The following SFRP1 variants were observed in gnomAD, a reference collection of about 807,000 sequenced individuals.
SFRP1 encodes secreted frizzled related protein 1.
In SFRP1, 9 loss-of-function variants were observed where a neutral mutation model predicts 25.9. The observed-to-expected ratio is 0.35, with a 90% CI of 0.21 to 0.61. SFRP1 has a LOEUF of 0.61. Among genes scored for constraint, SFRP1 ranks in the 20% least tolerant of loss-of-function variants. The probability of loss-of-function intolerance (pLI) is 0.78; values close to 1 mark genes in which losing one functional copy is unlikely to be tolerated. For synonymous variants in SFRP1, 178 were observed against 174.0 expected (o/e 1.02, Z -0.18); for missense variants, 346 against 418.2 (o/e 0.83, Z 1.51).
At chr8:41,277,822 G>T (rs1487111007) in intron 2 of SFRP1, among the ~76,000 whole-genome samples, 1 of 152,134 alleles carries the variant, frequency 6.6e-6, no homozygotes, top group East Asian at 1.9e-4. Context: ...TGTTTCCAAG[G>T]CTGGTCTCAA....
intron 2 of SFRP1, among the ~76,000 whole-genome samples, chr8:41,301,926 C>T (rs1803922347): frequency 6.6e-6 from 1 of 152,250 alleles, no homozygotes; most frequent in Non-Finnish European, 1.5e-5. Context: ...TACCTGAGTG[C>T]CCTCTAGACC....
chr8:41,281,369 C>T (rs558981136), intron 2 of SFRP1, among the ~76,000 whole-genome samples: 138 of 152,354 alleles, frequency 9.1e-4, no homozygotes, highest in Middle Eastern at 3.4e-3. Flanking sequence ...GTGCCCCTCA[C>T]TCCCTCAGCA....
chr8:41,270,755 G>A (rs1803493513), intron 2 of SFRP1, among the ~76,000 whole-genome samples: 1 of 150,698 alleles, frequency 6.6e-6, no homozygotes, highest in Non-Finnish European at 1.5e-5. Context: ...CCCGGGAGGT[G>A]GAGATTGCAG....
At chr8:41,277,054 C>T in intron 2 of SFRP1, 1 of 456,152 alleles carries the variant, frequency 2.2e-6, no homozygotes, top group Admixed American at 2.3e-5. Context: ...GCTAATGGTG[C>T]AAAATGAAAA....
intron 2 of SFRP1, chr8:41,271,689 G>A (rs760790260): frequency 4.6e-5 from 7 of 152,094 alleles, no homozygotes; most frequent in Non-Finnish European, 8.8e-5. Flanking sequence ...ATATGGCCAG[G>A]AGTGGTGGCC....
At chr8:41,275,396 G>T (rs2117487258) in intron 2 of SFRP1, 1 of 237,004 alleles carries the variant, frequency 4.2e-6, no homozygotes, top group Non-Finnish European at 8.5e-6. Context: ...ATTCCTAAGA[G>T]ACTTGCTTTT....
chr8:41,276,745 AT>A (rs1204665916), intron 2 of SFRP1, among the ~76,000 whole-genome samples: 1 of 152,238 alleles, frequency 6.6e-6, no homozygotes, highest in African/African-American at 2.4e-5. Context: ...AAAACAGCAG[AT>A]GTGGAAAATG....
rs761857867 is a variant in SFRP1, at chr8:41,262,695, C to G, written c.*2472G>C. On this transcript the variant is annotated 3_prime_UTR_variant, in exon 3 of 3. Coordinates refer to ENST00000220772, the MANE Select transcript of SFRP1 (RefSeq NM_003012.5). ...TAATTAGGAAATCACAGGCAAACCT[C>G]CTCTCTCGGAGACCAATGACCAGGC... The G allele has an allele frequency of 2.6e-5, 4 of 152,194 alleles. No individual in the cohort carries two copies. The highest frequency in any genetic ancestry group is 4.4e-5 in the Non-Finnish European group (3 of 68,052). The allele number at this position is 152,194 out of a possible 1,614,324, so 9.4% of individuals were successfully genotyped here. A position where few individuals can be genotyped will look rare whatever the true frequency, so the allele number is the denominator to read the frequency against.
intron 1 of SFRP1, among the ~76,000 whole-genome samples, chr8:41,305,323 C>T (rs1221321237): frequency 6.6e-6 from 1 of 152,214 alleles, no homozygotes; most frequent in Non-Finnish European, 1.5e-5. Flanking sequence ...ACTTGAAGTT[C>T]GCCTGAACCA....
chr8:41,284,074 T>C (rs1159900451), intron 2 of SFRP1, among the ~76,000 whole-genome samples: 1 of 152,128 alleles, frequency 6.6e-6, no homozygotes, highest in Non-Finnish European at 1.5e-5. Flanking sequence ...TGTCAGCAAG[T>C]AGGATCCAAA....
intron 2 of SFRP1, among the ~76,000 whole-genome samples, chr8:41,303,083 C>A (rs1019483858): frequency 2.0e-5 from 3 of 150,464 alleles, no homozygotes; most frequent in Non-Finnish European, 4.4e-5. Context: ...AGAGCCAGTC[C>A]GGAAAAAACC....
At chr8:41,289,048 C>A (rs1375874390) in intron 2 of SFRP1, among the ~76,000 whole-genome samples, 3 of 152,234 alleles carry the variant, frequency 2.0e-5, no homozygotes, top group African/African-American at 7.2e-5. Context: ...ACCCCCAACT[C>A]AACCCTTCAA....
At chr8:41,288,054 TAA>T (rs113220723) in intron 2 of SFRP1, among the ~76,000 whole-genome samples, 11 of 148,942 alleles carry the variant, frequency 7.4e-5, no homozygotes, top group African/African-American at 2.5e-4. Flanking sequence ...CCCGTTTCTA[TAA>T]AAAAAAAAAA....
At chr8:41,276,719 A>T in intron 2 of SFRP1, among the ~76,000 whole-genome samples, 1 of 152,204 alleles carries the variant, frequency 6.6e-6, no homozygotes, top group Non-Finnish European at 1.5e-5. Flanking sequence ...AAAGCAAAAC[A>T]AACAAAACAA....
At chr8:41,283,425 C>G (rs1315786868) in intron 2 of SFRP1, among the ~76,000 whole-genome samples, 1 of 152,082 alleles carries the variant, frequency 6.6e-6, no homozygotes, top group Non-Finnish European at 1.5e-5. Flanking sequence ...GTGCAGGCCC[C>G]CGATTGCTGT....
intron 1 of SFRP1, 82 bp from the exon 2 acceptor site, chr8:41,303,620 G>T: frequency 8.9e-7 from 1 of 1,117,538 alleles, no homozygotes; most frequent in Non-Finnish European, 1.4e-6. Flanking sequence ...ATCGGCCCTG[G>T]GTCCAGGCTG....
At chr8:41,306,999 T>C in intron 1 of SFRP1, 1 of 1,452,906 alleles carries the variant, frequency 6.9e-7, no homozygotes, top group Non-Finnish European at 9.0e-7. Context: ...CTGCAGACGG[T>C]CCCAGAAAGA....
intron 2 of SFRP1, among the ~76,000 whole-genome samples, chr8:41,272,656 T>C (rs1803525207): frequency 6.6e-6 from 1 of 152,016 alleles, no homozygotes; most frequent in Non-Finnish European, 1.5e-5. Flanking sequence ...AAGATAAGGT[T>C]GAAGAAATTT....
intron 2 of SFRP1, among the ~76,000 whole-genome samples, chr8:41,301,630 A>G (rs1021945299): frequency 1.3e-5 from 2 of 152,220 alleles, no homozygotes; most frequent in Non-Finnish European, 2.9e-5. Context: ...CAGGTGGCAG[A>G]GTGTAAAAGG....
Sources: gnomAD v4.1 joint callset for allele counts (sites outside exome capture counted in the v4.1 genomes callset) on GRCh38, gnomAD v4.1.1 for gene constraint, MANE v1.5 for transcripts, NCBI Gene and HGNC (gene_info 2026-07-23, HGNC 2026-07-21) for gene names.